The following MEI4 variants were observed in gnomAD, a reference collection of about 807,000 sequenced individuals.
MEI4 encodes meiosis-specific protein MEI4.
Under a neutral mutation model 31.4 loss-of-function variants are expected in MEI4, and 27 were observed. The ratio of observed to expected loss-of-function variants is 0.86; its 90% CI spans 0.63 to 1.19. The LOEUF (loss-of-function observed/expected upper bound fraction) is 1.19, where lower values mean the gene tolerates loss of function less well. Ranked by LOEUF, MEI4 falls within the 50% of genes most tolerant of loss-of-function variation. MEI4 has a pLI of 0.00. For synonymous variants in MEI4, 122 were observed against 145.4 expected (o/e 0.84, Z 1.16); for missense variants, 329 against 398.9 (o/e 0.82, Z 1.49).
chr6:77,826,322 T>C (rs1358018187), intron 3 of MEI4, among the ~76,000 whole-genome samples: 2 of 152,292 alleles, frequency 1.3e-5, no homozygotes, highest in Non-Finnish European at 2.9e-5. Context: ...AAGAAAGATA[T>C]GACTTTGTTC....
chr6:77,742,936 T>A (rs11755171), intron 2 of MEI4, among the ~76,000 whole-genome samples: 15,850 of 152,074 alleles, frequency 0.1, 1,110 homozygotes, highest in East Asian at 0.26. Context: ...GTTGTAGATA[T>A]GCGGCGTTAT....
At chr6:77,818,998 C>T (rs192918914) in intron 3 of MEI4, among the ~76,000 whole-genome samples, 5 of 152,124 alleles carry the variant, frequency 3.3e-5, no homozygotes, top group Non-Finnish European at 7.4e-5. Flanking sequence ...CCCAAAGTTC[C>T]GGGATTATAG....
At chr6:77,749,494 C>T (rs201761711) in intron 2 of MEI4, among the ~76,000 whole-genome samples, 9 of 151,888 alleles carry the variant, frequency 5.9e-5, no homozygotes, top group Non-Finnish European at 1.2e-4. Context: ...ATAGCTGAAT[C>T]GATCAAGTGG....
chr6:77,719,180 C>T lies in MEI4; in HGVS notation c.232+28277C>T, dbSNP rs1383874278. ...TTGAGGTGTCCAATCTATAATAGTT[C>T]CAAATTCATTGTTTTGTAATATCAC... On this transcript the variant is annotated intron_variant, in intron 2 of 4. Transcript: ENST00000684080. 7.0e-5 allele frequency among the ~76,000 whole-genome samples: 10 copies of T among 142,400 alleles called. 2 individuals carry two copies. The Admixed American group carries it at 7.0e-4, about 10-fold the overall frequency. 93.4% of individuals were successfully genotyped at this position (142,400 alleles called of 152,430 possible). A position where few individuals can be genotyped will look rare whatever the true frequency, so the allele number is the denominator to read the frequency against.
chr6:77,904,634 C>T (rs555194645), intron 4 of MEI4, among the ~76,000 whole-genome samples: 4 of 152,234 alleles, frequency 2.6e-5, no homozygotes, highest in African/African-American at 9.6e-5. Flanking sequence ...CTGCAGAGGA[C>T]ATGAACTCAT....
chr6:77,911,221 C>A (rs1766427957), intron 4 of MEI4, among the ~76,000 whole-genome samples: 1 of 151,970 alleles, frequency 6.6e-6, no homozygotes, highest in Non-Finnish European at 1.5e-5. Flanking sequence ...TGTAAGTTAC[C>A]TCTGCCCTCT....
chr6:77,716,909 T>C, intron 2 of MEI4: 1 of 965,466 alleles, frequency 1.0e-6, no homozygotes, highest in Non-Finnish European at 1.2e-6. Context: ...GGAGGTCACT[T>C]GCTTACTCAC....
chr6:77,871,163 C>CT (rs1338130883), intron 4 of MEI4, among the ~76,000 whole-genome samples: 2 of 152,068 alleles, frequency 1.3e-5, no homozygotes, highest in African/African-American at 4.8e-5. Flanking sequence ...GGCAGTCCAT[C>CT]TTTTTTATAA....
intron 2 of MEI4, among the ~76,000 whole-genome samples, chr6:77,720,547 C>G (rs962769279): frequency 1.4e-5 from 2 of 140,866 alleles, no homozygotes; most frequent in Admixed American, 7.1e-5. Context: ...GATAATCTTC[C>G]AAATGAAGGT....
chr6:77,684,523 T>G (rs1485180909), intron 1 of MEI4, among the ~76,000 whole-genome samples: 1 of 152,098 alleles, frequency 6.6e-6, no homozygotes, highest in Non-Finnish European at 1.5e-5. Flanking sequence ...CAGCTTCTGG[T>G]AACCATCCTT....
intron 2 of MEI4, among the ~76,000 whole-genome samples, chr6:77,746,652 TGTGTGTGTGTG>T (rs1767615811): frequency 6.6e-6 from 1 of 151,136 alleles, no homozygotes; most frequent in East Asian, 2.0e-4. Flanking sequence ...TGTGTGTGTG[TGTGTGTGTGTG>T]TGTGTGTGTG....
intron 4 of MEI4, among the ~76,000 whole-genome samples, chr6:77,916,616 C>T (rs1454515916): frequency 6.6e-6 from 1 of 151,932 alleles, no homozygotes; most frequent in African/African-American, 2.4e-5. Context: ...TCTTTGTTGT[C>T]AACAATGTTT....
intron 1 of MEI4, among the ~76,000 whole-genome samples, chr6:77,675,075 C>T (rs530466027): frequency 4.8e-4 from 55 of 113,664 alleles, no homozygotes; most frequent in East Asian, 1.5e-3. Context: ...TCAACAGTTA[C>T]GTAATTTATC....
intron 4 of MEI4, among the ~76,000 whole-genome samples, chr6:77,884,477 G>A (rs1389733031): frequency 6.6e-6 from 1 of 152,120 alleles, no homozygotes; most frequent in East Asian, 1.9e-4. Context: ...TAGTAGTTCT[G>A]TAATTTGGGC....
chr6:77,761,467 G>T lies in MEI4; in HGVS notation c.570G>T (p.Leu190Phe), dbSNP rs1290168788. Reference protein sequence around the residue: ...SSTVSDSVFQLLDGLITFYRN... With the variant: ...SSTVSDSVFQFLDGLITFYRN... ...CAGTCTCTGATTCTGTTTTTCAATT[G>T]CTGGATGGCCTGATCACTTTTTACC... is the stretch of plus-strand genomic sequence containing the variant. The change falls in exon 3 of 5, where the codon TTG (leucine) becomes TTT (phenylalanine). Residue 190 changes from leucine to phenylalanine, a missense_variant. Coordinates refer to ENST00000684080, the MANE Select transcript of MEI4 (RefSeq NM_001322247.2). The T allele has an allele frequency of 8.1e-7, 1 of 1,231,986 alleles. No homozygotes were observed. The highest frequency in any genetic ancestry group is 1.6e-5 in the African/African-American group (1 of 64,394). The allele number at this position is 1,231,986 out of a possible 1,614,324, so 76.3% of individuals were successfully genotyped here.
At chr6:77,802,844 G>C (rs1769307885) in intron 3 of MEI4, among the ~76,000 whole-genome samples, 2 of 152,236 alleles carry the variant, frequency 1.3e-5, no homozygotes, top group African/African-American at 4.8e-5. Context: ...GACATCAGCT[G>C]TTAGTCTGAT....
rs9448170 is a variant in MEI4, at chr6:77,698,651, G to A, written c.232+7748G>A. 7.0e-3 allele frequency among the ~76,000 whole-genome samples: 1,061 copies of A among 152,312 alleles called. 13 individuals carry two copies. The highest frequency in any genetic ancestry group is 0.024 in the African/African-American group (1,001 of 41,566). On this transcript the variant is annotated intron_variant, in intron 2 of 4. Transcript: ENST00000684080. Reference sequence around the variant, plus strand: ...CTGAGAGATCCACTGGTAGTCTGATGGGTTTCCCCTTGTGGGTAACCATAC... The same window carrying A: ...CTGAGAGATCCACTGGTAGTCTGATAGGTTTCCCCTTGTGGGTAACCATAC...
chr6:77,697,593 A>G (rs1391387977), intron 2 of MEI4, among the ~76,000 whole-genome samples: 1 of 152,148 alleles, frequency 6.6e-6, no homozygotes, highest in African/African-American at 2.4e-5. Flanking sequence ...GAGTTTCTTA[A>G]TCCTGAGTTC....
intron 2 of MEI4, among the ~76,000 whole-genome samples, chr6:77,741,165 G>A (rs1188105073): frequency 6.6e-6 from 1 of 152,176 alleles, no homozygotes; most frequent in Non-Finnish European, 1.5e-5. Flanking sequence ...AGCATGGCAT[G>A]TTTTGGTGAA....
Sources: allele counts gnomAD v4.1 joint callset (sites outside exome capture counted in the v4.1 genomes callset), GRCh38; gene constraint gnomAD v4.1.1; transcripts MANE v1.5; gene names NCBI Gene and HGNC (gene_info 2026-07-23, HGNC 2026-07-21).